The following CD300LD variants were observed in gnomAD, a reference collection of about 807,000 sequenced individuals.
CD300LD encodes CMRF35-like molecule 5.
A neutral mutation model predicts 20.3 loss-of-function variants in CD300LD; 18 were observed. The observed-to-expected ratio is 0.89, with a 90% confidence interval of 0.61 to 1.32. The LOEUF (loss-of-function observed/expected upper bound fraction) is 1.32, where lower values mean the gene tolerates loss of function less well. Among genes scored for constraint, CD300LD ranks in the 40% most tolerant of loss-of-function variants. CD300LD has a pLI of 0.00. For missense variants in CD300LD, 195 were observed against 226.6 expected, an observed-to-expected ratio of 0.86 and a Z score of 0.90; for synonymous variants, 104 against 90.1, an observed-to-expected ratio of 1.15 and a Z score of -0.87.
chr17:74,590,602 G>T (rs569560189), intron 1 of CD300LD: 1 of 152,180 alleles, frequency 6.6e-6, no homozygotes, highest in Non-Finnish European at 1.5e-5. Context: ...ACAGAAATTG[G>T]ACTCCATGCC....
rs2029995901 is a variant in CD300LD, at chr17:74,579,935, G to A, written c.*67C>T. 2 of 903,196 alleles carry A rather than the reference G, an allele frequency of 2.2e-6. No homozygotes were observed. Among genetic ancestry groups the A allele is most frequent in the South Asian group, 1.4e-5 (1 of 69,942 alleles). The allele number at this position is 903,196 out of a possible 1,614,324, so 55.9% of individuals were successfully genotyped here. ...AAAATGTTTTTTCTTCTGTGGGAGG[G>A]CCTTTCGCCCTGGACAGGACGTCAA... On this transcript the variant is annotated 3_prime_UTR_variant, in exon 4 of 4. Transcript: ENST00000375352.
intron 2 of CD300LD, among the ~76,000 whole-genome samples, chr17:74,585,173 C>T (rs1381453951): frequency 1.3e-5 from 2 of 152,156 alleles, no homozygotes; most frequent in East Asian, 1.9e-4. Context: ...ATACATAACC[C>T]GTGGTTTCCA....
intron 2 of CD300LD, among the ~76,000 whole-genome samples, chr17:74,588,112 G>A (rs1415894106): frequency 1.3e-5 from 2 of 152,168 alleles, no homozygotes; most frequent in African/African-American, 4.8e-5. Context: ...TTGATGGCAG[G>A]GACTCTCTGC....
chr17:74,588,671 C>G lies in CD300LD; in HGVS notation c.219G>C (p.Glu73Asp), dbSNP rs1267993048. ...ILVKTNGSEQ[E>D]VKKNRVSIRD... ...TGATGGAAACTCGATTCTTCTTTAC[C>G]TCCTGCTCTGATCCATTTGTTTTAA... The change falls in exon 2 of 4, where the codon GAG becomes GAC. Residue 73 changes from glutamate to aspartate, a missense_variant. Coordinates refer to ENST00000375352, the MANE Select transcript of CD300LD (RefSeq NM_001115152.2). 6.2e-7 allele frequency: 1 copy of G among 1,614,198 alleles called. No homozygotes were observed. Among genetic ancestry groups the G allele is most frequent in the East Asian group, 2.2e-5 (1 of 44,886 alleles).
Position 74,588,588 on chromosome 17 carries a change from T to A in CD300LD, c.302A>T (p.Asp101Val), listed in dbSNP as rs765790946. ...AGTCCCACACCAATAACTGTCAGCATCATCTCTTTTGAGATTCTCCATGGT... is the reference window on the plus strand; with the variant it reads ...AGTCCCACACCAATAACTGTCAGCAACATCTCTTTTGAGATTCTCCATGGT... ...TVTMENLKRD[D>V]ADSYWCGTER... The change falls in exon 2 of 4, where the codon GAT (aspartate) becomes GTT (valine). Residue 101 changes from aspartate to valine, a missense_variant. Transcript: ENST00000375352. 2 of 1,614,192 alleles carry A rather than the reference T, an allele frequency of 1.2e-6. No individual in the cohort carries two copies. The highest frequency in any genetic ancestry group is 1.3e-5 in the African/African-American group (1 of 75,048).
intron 1 of CD300LD, among the ~76,000 whole-genome samples, chr17:74,590,120 G>A (rs188738625): frequency 5.3e-4 from 81 of 152,262 alleles, no homozygotes; most frequent in African/African-American, 1.8e-3. Flanking sequence ...ATCATGGGGC[G>A]GTTTCCCCCA....
At chr17:74,578,858 C>G (rs1317196622), downstream of CD300LD, among the ~76,000 whole-genome samples, 1 of 152,148 alleles carries the variant, frequency 6.6e-6, no homozygotes, top group Admixed American at 6.5e-5. Context: ...CAAGACTGAG[C>G]ACCACCCTGG....
At chr17:74,589,554 G>A (rs930854523) in intron 1 of CD300LD, among the ~76,000 whole-genome samples, 1 of 152,240 alleles carries the variant, frequency 6.6e-6, no homozygotes, top group African/African-American at 2.4e-5. Context: ...GTCAGTTAAA[G>A]GGTGAGGAAC....
At chr17:74,587,004 C>A (rs2030179008) in intron 2 of CD300LD, among the ~76,000 whole-genome samples, 1 of 152,082 alleles carries the variant, frequency 6.6e-6, no homozygotes, top group African/African-American at 2.4e-5. Context: ...ACAAAATTAG[C>A]TGGGCATGGT....
intron 2 of CD300LD, 40 bp downstream of exon 2, chr17:74,588,471 A>G (rs1296953840): frequency 2.2e-6 from 3 of 1,348,532 alleles, no homozygotes; most frequent in Admixed American, 1.8e-5. Flanking sequence ...AGGACAGAGC[A>G]GGACCTGAGA....
intron 2 of CD300LD, 90 bp downstream of exon 2, chr17:74,588,421 T>C (rs1175351268): frequency 1.2e-6 from 1 of 806,896 alleles, no homozygotes; most frequent in East Asian, 2.5e-5. Flanking sequence ...CAGGTCACTC[T>C]GAGTGACAGT....
chr17:74,590,823 A>C (rs911334391), intron 1 of CD300LD: 7 of 152,166 alleles, frequency 4.6e-5, no homozygotes, highest in African/African-American at 1.7e-4. Flanking sequence ...CACACTTGTA[A>C]TATAACAACT....
intron 3 of CD300LD, among the ~76,000 whole-genome samples, chr17:74,580,500 C>T (rs778786026): frequency 6.6e-6 from 1 of 152,256 alleles, no homozygotes; most frequent in Non-Finnish European, 1.5e-5. Context: ...CGCTACCCAC[C>T]TTTCAGGTAT....
At chr17:74,586,678 C>T (rs951071387) in intron 2 of CD300LD, among the ~76,000 whole-genome samples, 3 of 152,122 alleles carry the variant, frequency 2.0e-5, no homozygotes, top group Admixed American at 6.5e-5. Context: ...GAACAGGTAA[C>T]GTTAGTGGGA....
Position 74,580,021 on chromosome 17 carries a change from C to A in CD300LD, c.566G>T (p.Arg189Ile). The A allele has an allele frequency of 6.2e-7, 1 of 1,611,832 alleles. No individual in the cohort carries two copies. Among genetic ancestry groups the A allele is most frequent in the South Asian group, 1.1e-5 (1 of 90,448 alleles). Residue 189 changes from arginine to isoleucine, a missense_variant, in exon 4 of 4, where the codon AGA (arginine) becomes ATA (isoleucine). Arg to Ile is a moderately conservative substitution (Grantham distance 97). Coordinates refer to ENST00000375352, the MANE Select transcript of CD300LD (RefSeq NM_001115152.2). The part of the protein sequence containing the change: ...SMLGTVLWVN[R>I]PQRRS ...CCTCCTTCAAGACCTTCTTTGTGGTCTGTTTACCCAGAGGACGGTCCCCAG... is the reference window on the plus strand; with the variant it reads ...CCTCCTTCAAGACCTTCTTTGTGGTATGTTTACCCAGAGGACGGTCCCCAG...
chr17:74,583,684 T>C (rs1167301274), intron 2 of CD300LD, among the ~76,000 whole-genome samples: 3 of 152,070 alleles, frequency 2.0e-5, no homozygotes, highest in Admixed American at 1.3e-4. Flanking sequence ...AACTATTTTA[T>C]CATTGGTATA....
chr17:74,582,516 C>T (rs1206393255), intron 2 of CD300LD, among the ~76,000 whole-genome samples: 1 of 152,250 alleles, frequency 6.6e-6, no homozygotes, highest in Non-Finnish European at 1.5e-5. Flanking sequence ...GAGGAGCAGA[C>T]TAAGGAGGGA....
chr17:74,586,158 T>C (rs957737049), intron 2 of CD300LD, among the ~76,000 whole-genome samples: 1 of 152,170 alleles, frequency 6.6e-6, no homozygotes, highest in Non-Finnish European at 1.5e-5. Flanking sequence ...AGATTGTAAA[T>C]GTGCACTGGC....
intron 3 of CD300LD, among the ~76,000 whole-genome samples, chr17:74,581,273 A>G (rs976473505): frequency 6.6e-6 from 1 of 152,128 alleles, no homozygotes; most frequent in Non-Finnish European, 1.5e-5. Flanking sequence ...AAAAAAAAAA[A>G]AACAGAGTTG....
Sources: gnomAD v4.1 joint callset for allele counts (sites outside exome capture counted in the v4.1 genomes callset) on GRCh38, gnomAD v4.1.1 for gene constraint, MANE v1.5 for transcripts, NCBI Gene and HGNC (gene_info 2026-07-23, HGNC 2026-07-21) for gene names.